PCDH9: variants seen among roughly 807,000 people sequenced by gnomAD.
The protein encoded by PCDH9 is protocadherin-9.
A neutral mutation model predicts 70.6 loss-of-function variants in PCDH9; 24 were observed. That is an observed-to-expected ratio of 0.34 (90% CI 0.25 to 0.48). The LOEUF (loss-of-function observed/expected upper bound fraction) is 0.48, where lower values mean the gene tolerates loss of function less well. Among genes scored for constraint, PCDH9 ranks in the 20% least tolerant of loss-of-function variants. PCDH9 has a pLI of 0.99. For synonymous variants in PCDH9, 562 were observed against 558.5 expected (o/e 1.01, Z -0.09); for missense variants, 1,281 against 1,503.6 (o/e 0.85, Z 2.45).
intron 2 of PCDH9, among the ~76,000 whole-genome samples, chr13:67,126,958 TATA>T (rs1378475185): frequency 1.3e-5 from 2 of 152,218 alleles, no homozygotes; most frequent in Admixed American, 1.3e-4. Flanking sequence ...TATTTTAGCC[TATA>T]ATATTTCATT....
intron 3 of PCDH9, among the ~76,000 whole-genome samples, chr13:66,726,735 T>C (rs1725351446): frequency 1.3e-5 from 2 of 152,246 alleles, no homozygotes; most frequent in South Asian, 2.1e-4. Flanking sequence ...GTATCCAATG[T>C]CTTGCACGAT....
intron 2 of PCDH9, among the ~76,000 whole-genome samples, chr13:67,121,298 A>C (rs976812941): frequency 6.6e-6 from 1 of 152,210 alleles, no homozygotes; most frequent in African/African-American, 2.4e-5. Flanking sequence ...CTCGTAGAAG[A>C]TCCAACTATT....
chr13:67,180,022 C>G (rs543243129), intron 2 of PCDH9, among the ~76,000 whole-genome samples: 1 of 152,096 alleles, frequency 6.6e-6, no homozygotes, highest in Non-Finnish European at 1.5e-5. Context: ...AATTCTTCAT[C>G]TAGATTAGAA....
intron 2 of PCDH9, chr13:67,214,284 T>C (rs890778389): frequency 2.6e-5 from 4 of 152,212 alleles, no homozygotes; most frequent in Non-Finnish European, 4.4e-5. Flanking sequence ...ATATGATCCA[T>C]ATACTTTGAG....
chr13:66,448,624 C>G (rs1958144834), intron 4 of PCDH9, among the ~76,000 whole-genome samples: 1 of 152,030 alleles, frequency 6.6e-6, no homozygotes. Flanking sequence ...TACCACATCA[C>G]AGAAATTGGG....
At chr13:66,755,612 TG>T (rs918362144) in intron 3 of PCDH9, among the ~76,000 whole-genome samples, 11 of 151,596 alleles carry the variant, frequency 7.3e-5, no homozygotes, top group Non-Finnish European at 1.3e-4. Context: ...AGGTGTGGGG[TG>T]GGGGGGCATC....
intron 2 of PCDH9, among the ~76,000 whole-genome samples, chr13:66,994,271 C>A (rs1371866109): frequency 6.6e-6 from 1 of 152,092 alleles, no homozygotes; most frequent in Non-Finnish European, 1.5e-5. Context: ...GGCACTGCAA[C>A]CAGCAAATGG....
At chr13:66,771,791 TA>T (rs1369201279) in intron 3 of PCDH9, among the ~76,000 whole-genome samples, 1 of 152,232 alleles carries the variant, frequency 6.6e-6, no homozygotes, top group Non-Finnish European at 1.5e-5. Flanking sequence ...ATGAGACTTA[TA>T]AAATTTTCCC....
At chr13:66,903,360 T>C (rs1594234691) in intron 3 of PCDH9, 144 bp downstream of exon 3, 1 of 365,586 alleles carries the variant, frequency 2.7e-6, no homozygotes, top group East Asian at 4.0e-5. Flanking sequence ...TACTTAAAAT[T>C]ATTTTCAAAA....
rs1335486549 is a variant in PCDH9 at position 66,447,682 on chromosome 13, G to A, written c.3341-142654C>T. ...TAAAAACTGAAAGCATGGTTAGCTA[G>A]GATAAAGCTAATCTGTTTATTAGAA... On this transcript the variant is annotated intron_variant, in intron 4 of 4. Transcript: ENST00000377865. 2.6e-5 allele frequency among the ~76,000 whole-genome samples: 4 copies of A among 152,034 alleles called. No individual in the cohort carries two copies. The East Asian group carries it at 5.8e-4, about 22-fold the overall frequency.
intron 4 of PCDH9, among the ~76,000 whole-genome samples, chr13:66,518,635 T>C (rs1014480448): frequency 2.6e-5 from 4 of 152,122 alleles, no homozygotes; most frequent in Non-Finnish European, 4.4e-5. Flanking sequence ...ATTTACACTC[T>C]AGGGATAAAC....
rs201935655 is a variant in PCDH9 at position 66,360,787 on chromosome 13, A to AT, written c.3341-55760dup. ...GAATGGAAATAAATGTTAAGTGAAG[A>AT]TTTTTTTTTAACCTCATCAATACCT... On this transcript the variant is annotated intron_variant, in intron 4 of 4. Coordinates refer to ENST00000377865, the MANE Select transcript of PCDH9 (RefSeq NM_203487.3). Among the ~76,000 whole-genome samples the AT allele has an allele frequency of 3.7e-3, 568 of 151,572 alleles. 2 individuals carry two copies. Among genetic ancestry groups the AT allele is most frequent in the Admixed American group, 6.5e-3 (98 of 15,168 alleles).
chr13:66,861,916 G>A (rs891500835), intron 3 of PCDH9, among the ~76,000 whole-genome samples: 10 of 152,038 alleles, frequency 6.6e-5, no homozygotes, highest in Admixed American at 6.5e-4. Context: ...AAAAAATATT[G>A]TTATACATTT....
chr13:66,366,617 C>G (rs1189456312), intron 4 of PCDH9, among the ~76,000 whole-genome samples: 1 of 151,868 alleles, frequency 6.6e-6, no homozygotes, highest in Non-Finnish European at 1.5e-5. Context: ...AAGTAAATTG[C>G]ACTCTAAGTA....
At chr13:66,779,866 T>TATATATATATATATATAC (rs1336725254) in intron 3 of PCDH9, among the ~76,000 whole-genome samples, 27 of 71,726 alleles carry the variant, frequency 3.8e-4, no homozygotes, top group African/African-American at 1.2e-3. Flanking sequence ...TATATATATA[T>TATATATATATATATATAC]ACATATATGT....
chr13:66,451,830 C>T (rs1180335165), intron 4 of PCDH9, among the ~76,000 whole-genome samples: 1 of 152,108 alleles, frequency 6.6e-6, no homozygotes, highest in African/African-American at 2.4e-5. Context: ...TGTGATATTC[C>T]TTTTTCACTA....
intron 3 of PCDH9, among the ~76,000 whole-genome samples, chr13:66,677,533 C>A (rs1173142412): frequency 6.6e-6 from 1 of 152,028 alleles, no homozygotes; most frequent in African/African-American, 2.4e-5. Context: ...GGGAAAGGAT[C>A]CCTCATGGCT....
intron 2 of PCDH9, among the ~76,000 whole-genome samples, chr13:67,126,799 G>T (rs1385563580): frequency 1.3e-5 from 2 of 152,174 alleles, no homozygotes; most frequent in Non-Finnish European, 2.9e-5. Flanking sequence ...TCAGTGAGCA[G>T]AGACTGCGCC....
intron 2 of PCDH9, among the ~76,000 whole-genome samples, chr13:66,906,552 G>T (rs984997743): frequency 1.3e-5 from 2 of 152,060 alleles, no homozygotes; most frequent in Admixed American, 6.6e-5. Context: ...GTGATGCCCA[G>T]TTAAGTCCTT....
Sources: gnomAD v4.1 joint callset for allele counts (sites outside exome capture counted in the v4.1 genomes callset) on GRCh38, gnomAD v4.1.1 for gene constraint, MANE v1.5 for transcripts, NCBI Gene and HGNC (gene_info 2026-07-23, HGNC 2026-07-21) for gene names.